The following PAX2 variants were observed in gnomAD, a reference collection of about 807,000 sequenced individuals.
PAX2 encodes the protein paired box 2.
Under a neutral mutation model 41.7 loss-of-function variants are expected in PAX2, and 9 were observed. That is an observed-to-expected ratio of 0.22 (90% CI 0.13 to 0.38). The LOEUF is 0.38. Ranked by LOEUF, PAX2 falls within the 10% of genes least tolerant of loss-of-function variation. The pLI is 1.00. For missense variants in PAX2, 418 were observed against 531.6 expected, an observed-to-expected ratio of 0.79 and a Z score of 2.10; for synonymous variants, 221 against 212.7, an observed-to-expected ratio of 1.04 and a Z score of -0.34.
upstream of PAX2, among the ~76,000 whole-genome samples, chr10:100,744,624 C>G (rs1298973574): frequency 6.6e-6 from 1 of 152,216 alleles, no homozygotes; most frequent in Non-Finnish European, 1.5e-5. Flanking sequence ...TCCTCTTCTC[C>G]CCAGCCGGGG....
chr10:100,779,367 GGACACAGGGAGCA>G (rs1846517717), intron 3 of PAX2, 118 bp from the exon 4 acceptor site: 15 of 803,310 alleles, frequency 1.9e-5, no homozygotes, highest in Non-Finnish European at 2.6e-5. Context: ...GTGAGGGCAG[GGACACAGGGAGCA>G]GATGGATGAG....
rs1848613923 is a variant in PAX2 at position 100,827,445 on chromosome 10, C to T, written c.1109-98C>T. ...GTCTCCCAGTCCGGATCCCGCTGGA[C>T]CCCAGCCAGGGGAGGTCTTTTCTGT... On this transcript the variant is annotated intron_variant, in intron 9 of 9. Coordinates refer to ENST00000355243, the MANE Select transcript of PAX2 (RefSeq NM_000278.5). The surrounding 1 kb of genome is among the most constrained non-coding windows in gnomAD (Gnocchi z 8.5). 1 of 1,260,872 alleles carries T rather than the reference C, an allele frequency of 7.9e-7. No individual in the cohort carries two copies. The highest frequency in any genetic ancestry group is 1.2e-6 in the Non-Finnish European group (1 of 861,340). The allele number at this position is 1,260,872 out of a possible 1,614,324, so 78.1% of individuals were successfully genotyped here.
intron 1 of PAX2, among the ~76,000 whole-genome samples, chr10:100,746,519 G>A (rs997628909): frequency 1.1e-4 from 17 of 152,164 alleles, no homozygotes; most frequent in Non-Finnish European, 2.1e-4. Flanking sequence ...CTCTCTGTCT[G>A]CCTGCCTTCC....
At chr10:100,753,072 G>A (rs890843092) in intron 3 of PAX2, among the ~76,000 whole-genome samples, 2 of 152,232 alleles carry the variant, frequency 1.3e-5, no homozygotes, top group African/African-American at 4.8e-5. Context: ...TGGGTGTGGA[G>A]AAATAGCCAT....
At chr10:100,758,128 G>A (rs1279003944) in intron 3 of PAX2, among the ~76,000 whole-genome samples, 2 of 151,140 alleles carry the variant, frequency 1.3e-5, no homozygotes, top group Non-Finnish European at 1.5e-5. Flanking sequence ...CAGGGGGAGC[G>A]AGTCAGGTGC....
upstream of PAX2, among the ~76,000 whole-genome samples, chr10:100,743,129 G>T (rs1444620595): frequency 2.6e-5 from 4 of 152,038 alleles, no homozygotes; most frequent in Non-Finnish European, 5.9e-5. Context: ...GCGGAAGAGT[G>T]AGTGTCCAGC....
At chr10:100,819,266 G>GGC (rs1848300967) in intron 7 of PAX2, among the ~76,000 whole-genome samples, 4 of 148,286 alleles carry the variant, frequency 2.7e-5, no homozygotes, top group African/African-American at 1.0e-4. Flanking sequence ...AAAAGGGGGG[G>GGC]GAGTTTAAAA....
At chr10:100,792,817 A>G (rs1847179194) in intron 5 of PAX2, among the ~76,000 whole-genome samples, 1 of 152,034 alleles carries the variant, frequency 6.6e-6, no homozygotes, top group African/African-American at 2.4e-5. Context: ...ACACACACAA[A>G]AAGAAAACCC....
intron 5 of PAX2, among the ~76,000 whole-genome samples, chr10:100,784,309 C>T (rs909248888): frequency 6.6e-6 from 1 of 152,114 alleles, no homozygotes; most frequent in African/African-American, 2.4e-5. Context: ...GTGACTGGGC[C>T]GGGACTGCAG....
chr10:100,748,923 G>T lies in PAX2; in HGVS notation c.44-823G>T. On this transcript the variant is annotated intron_variant, in intron 1 of 9. Transcript: ENST00000355243. This position sits in a 1 kb window ranked among gnomAD's most constrained non-coding sequence, Gnocchi z 5.0. ...GGGCGAGACGGTGGGCCCCAACCAG[G>T]CTCTGCGAGGCGCGGCAGGCAGGCG... 3 of 985,402 alleles carry T rather than the reference G, an allele frequency of 3.0e-6. No homozygotes were observed. The highest frequency in any genetic ancestry group is 3.6e-6 in the Non-Finnish European group (3 of 829,938). 61.0% of individuals were successfully genotyped at this position (985,402 alleles called of 1,614,324 possible).
chr10:100,766,407 C>G (rs60956400), intron 3 of PAX2, among the ~76,000 whole-genome samples: 9,296 of 152,248 alleles, frequency 0.061, 773 homozygotes, highest in African/African-American at 0.19. Context: ...ATACTAATAG[C>G]CAGAGCCACA....
chr10:100,749,387 C>A (rs1286246398), intron 1 of PAX2: 1 of 1,094,422 alleles, frequency 9.1e-7, no homozygotes, highest in Non-Finnish European at 1.1e-6. Flanking sequence ...TCTGCCAGGC[C>A]CTTCCTCTCC....
chr10:100,737,419 C>A (rs1352767711), intron 1 of PAX2, among the ~76,000 whole-genome samples: 1 of 152,260 alleles, frequency 6.6e-6, no homozygotes, highest in African/African-American at 2.4e-5. Context: ...GGCCGCTTAC[C>A]CGGCGCGCGT....
chr10:100,755,352 G>T (rs542530246), intron 3 of PAX2, among the ~76,000 whole-genome samples: 3 of 152,274 alleles, frequency 2.0e-5, no homozygotes, highest in Admixed American at 2.0e-4. Flanking sequence ...ACCTCAGCTG[G>T]CAACTCTCGA....
At chr10:100,818,289 T>C (rs768308036) in intron 7 of PAX2, among the ~76,000 whole-genome samples, 2 of 152,240 alleles carry the variant, frequency 1.3e-5, no homozygotes, top group South Asian at 2.1e-4. Context: ...ATCTGAGCCA[T>C]CATGAGCAGC....
chr10:100,753,259 A>G (rs892113544), intron 3 of PAX2, among the ~76,000 whole-genome samples: 2 of 152,184 alleles, frequency 1.3e-5, no homozygotes, highest in Non-Finnish European at 2.9e-5. Flanking sequence ...CTCATGGTTC[A>G]TATTTTGGAA....
intron 3 of PAX2, among the ~76,000 whole-genome samples, chr10:100,770,114 T>C (rs1169061185): frequency 3.3e-5 from 5 of 151,958 alleles, no homozygotes; most frequent in African/African-American, 1.2e-4. Context: ...AGGCGAAAGG[T>C]AGGAAAGGCT....
chr10:100,760,281 G>A (rs945322295), intron 3 of PAX2, among the ~76,000 whole-genome samples: 2 of 152,110 alleles, frequency 1.3e-5, no homozygotes, highest in South Asian at 2.1e-4. Flanking sequence ...GAAGGCTTCC[G>A]GCTAAAGGGA....
intron 7 of PAX2, among the ~76,000 whole-genome samples, chr10:100,818,647 C>T (rs951760527): frequency 6.6e-6 from 1 of 152,130 alleles, no homozygotes; most frequent in South Asian, 2.1e-4. Context: ...TCTATGGGTT[C>T]TTGAGGGATC....
Sources: allele counts gnomAD v4.1 joint callset (sites outside exome capture counted in the v4.1 genomes callset), GRCh38; gene constraint gnomAD v4.1.1; non-coding constraint Gnocchi (gnomAD v3.1); transcripts MANE v1.5; gene names NCBI Gene and HGNC (gene_info 2026-07-23, HGNC 2026-07-21).